FANCD2: variants seen among roughly 807,000 people sequenced by gnomAD.
The protein encoded by FANCD2 is FA complementation group D2.
FANCD2 carries 131 observed loss-of-function variants against 192.3 expected under a neutral mutation model. The observed-to-expected ratio is 0.68, with a 90% CI of 0.59 to 0.79. FANCD2 has a LOEUF of 0.79. Among genes scored for constraint, FANCD2 ranks in the 30% least tolerant of loss-of-function variants. FANCD2 has a pLI of 0.00. For synonymous variants in FANCD2, 524 were observed against 612.5 expected, an observed-to-expected ratio of 0.86 and a Z score of 2.13; for missense variants, 1,508 against 1,701.6, an observed-to-expected ratio of 0.89 and a Z score of 2.00.
chr3:10,070,493 G>A lies in FANCD2; in HGVS notation c.2495-2378G>A, dbSNP rs1223693545. ...CTCTGCCGGGCCAGCCTCCCGGTCC[G>A]GGAGGGAGGTGGGGGGGGTCAGCCC... is the stretch of plus-strand genomic sequence containing the variant. On this transcript the variant is annotated intron_variant, in intron 26 of 43. Transcript: ENST00000675286. Among the ~76,000 whole-genome samples, 823 of 103,066 alleles carry A rather than the reference G, an allele frequency of 8.0e-3. 28 individuals carry two copies. The highest frequency in any genetic ancestry group is 0.036 in the African/African-American group (764 of 21,508). The allele number at this position is 103,066 out of a possible 152,430, so 67.6% of individuals were successfully genotyped here.
chr3:10,075,680 A>T (rs569959842), intron 29 of FANCD2, among the ~76,000 whole-genome samples: 51 of 149,964 alleles, frequency 3.4e-4, no homozygotes, highest in African/African-American at 7.4e-4. Context: ...ATTAATTTTC[A>T]CCTGAAATTT....
Position 10,074,532 on chromosome 3 carries a change from G to A in FANCD2, c.2718G>A (p.Glu906=), listed in dbSNP as rs1473396707. 1 of 1,612,906 alleles carries A rather than the reference G, an allele frequency of 6.2e-7. No individual in the cohort carries two copies. The highest frequency in any genetic ancestry group is 1.3e-5 in the African/African-American group (1 of 75,000). ...TPSHRGQLNK[E]FTGKEEKTSL... ...TTGTTGCTGTGACTTCCCCATAGGAGTTCACAGGGAAGGAAGAAAAGACAT... is the reference window on the plus strand; with the variant it reads ...TTGTTGCTGTGACTTCCCCATAGGAATTCACAGGGAAGGAAGAAAAGACAT... Residue 906 remains glutamate, a splice_region_variant and synonymous_variant, in exon 29 of 44, where the codon GAG becomes GAA. Transcript: ENST00000675286.
intron 25 of FANCD2, among the ~76,000 whole-genome samples, chr3:10,066,658 T>A (rs866003330): frequency 6.6e-6 from 1 of 152,212 alleles, no homozygotes. Context: ...AATTGTGTGC[T>A]GTCTGGCTAT....
chr3:10,087,086 A>G (rs1393721686), intron 33 of FANCD2, 48 bp from the exon 34 acceptor site: 2 of 1,606,440 alleles, frequency 1.2e-6, no homozygotes, highest in Non-Finnish European at 1.7e-6. Context: ...TATATCTGTG[A>G]CACATAGGAT....
chr3:10,043,570 C>G lies in FANCD2; in HGVS notation c.1076C>G (p.Thr359Ser). Residue 359 changes from threonine (T) to serine (S), a missense_variant, in exon 13 of 44, where the codon ACC becomes AGC. Around this residue, in one of 5 missense-constraint regions of FANCD2, gnomAD observed 435 missense variants for 421.9 expected, o/e 1.03. Coordinates refer to ENST00000675286, the MANE Select transcript of FANCD2 (RefSeq NM_001018115.3). Reference sequence around the variant, plus strand: ...AAGTCAGCTATTAGATATGAGAAAACCATTTCAGAAGCCTGGATTAAGGTG... The same window carrying G: ...AAGTCAGCTATTAGATATGAGAAAAGCATTTCAGAAGCCTGGATTAAGGTG... Reference protein sequence around the residue: ...VIKSAIRYEKTISEAWIKAIE... With the variant: ...VIKSAIRYEKSISEAWIKAIE... The G allele has an allele frequency of 6.2e-7, 1 of 1,612,832 alleles. No homozygotes were observed. Among genetic ancestry groups the G allele is most frequent in the Non-Finnish European group, 8.5e-7 (1 of 1,178,886 alleles).
chr3:10,060,471 C>A, intron 19 of FANCD2, 68 bp downstream of exon 19: 1 of 1,145,080 alleles, frequency 8.7e-7, no homozygotes, highest in Non-Finnish European at 1.3e-6. Context: ...TGTTACATCT[C>A]ATAGACATCA....
At chr3:10,075,207 G>A (rs2125050814) in intron 29 of FANCD2, among the ~76,000 whole-genome samples, 1 of 151,286 alleles carries the variant, frequency 6.6e-6, no homozygotes, top group South Asian at 2.1e-4. Context: ...TTTTGAGATG[G>A]AGTCTCTCTC....
intron 34 of FANCD2, 113 bp downstream of exon 34, chr3:10,087,377 C>A (rs1694281973): frequency 8.1e-6 from 8 of 992,708 alleles, no homozygotes; most frequent in African/African-American, 1.7e-5. Context: ...CCCCACATAA[C>A]CTTGGATAGG....
At chr3:10,042,139 A>G (rs1290643382) in intron 10 of FANCD2, among the ~76,000 whole-genome samples, 1 of 149,814 alleles carries the variant, frequency 6.7e-6, no homozygotes, top group Non-Finnish European at 1.5e-5. Context: ...CTTGTTTTCC[A>G]CCCCCCTCGG....
chr3:10,049,801 A>G (rs1375624465), intron 17 of FANCD2, among the ~76,000 whole-genome samples: 1 of 152,250 alleles, frequency 6.6e-6, no homozygotes, highest in Non-Finnish European at 1.5e-5. Flanking sequence ...ATAACAGAGT[A>G]AGAATAATTA....
At chr3:10,071,870 C>T (rs911799757) in intron 26 of FANCD2, among the ~76,000 whole-genome samples, 3 of 152,144 alleles carry the variant, frequency 2.0e-5, no homozygotes, top group Admixed American at 2.0e-4. Flanking sequence ...AGCAATTCTC[C>T]TGCCTCAGCC....
At chr3:10,038,385 A>G (rs1334598848) in intron 7 of FANCD2, among the ~76,000 whole-genome samples, 1 of 152,150 alleles carries the variant, frequency 6.6e-6, no homozygotes, top group African/African-American at 2.4e-5. Context: ...TGGCTGCAAT[A>G]ACAAGGACCA....
intron 15 of FANCD2, 40 bp from the exon 16 acceptor site, chr3:10,047,877 C>T (rs1559378757): frequency 1.2e-6 from 2 of 1,611,210 alleles, no homozygotes; most frequent in Non-Finnish European, 1.7e-6. Flanking sequence ...CTAACTGTTT[C>T]CTACAGCTTC....
chr3:10,039,649 C>A, intron 8 of FANCD2, 72 bp from the exon 9 acceptor site: 1 of 1,553,748 alleles, frequency 6.4e-7, no homozygotes, highest in Non-Finnish European at 8.9e-7. Flanking sequence ...TTCAGCTCTG[C>A]ATTTCACACG....
intron 24 of FANCD2, 135 bp downstream of exon 24, chr3:10,065,629 C>G (rs961765031): frequency 1.5e-5 from 11 of 748,936 alleles, no homozygotes; most frequent in Non-Finnish European, 2.6e-5. Flanking sequence ...CATTGGAATT[C>G]CAAAGACAAA....
rs397948524 is a variant in FANCD2, at chr3:10,045,101, T to TTTTTTTTTTTTTC, written c.1134+1237_1134+1238insTTTTTTTTTTTTC. Among the ~76,000 whole-genome samples the TTTTTTTTTTTTTC allele has an allele frequency of 5.3e-4, 79 of 149,154 alleles. 1 individual carries two copies. The highest frequency in any genetic ancestry group is 2.0e-3 in the African/African-American group (76 of 38,842). ...GCCTTTTTAACTGTTTTTTTTTTTT[T>TTTTTTTTTTTTTC]CCTGGAAGCATAGACTCAGGTTGCC... On this transcript the variant is annotated intron_variant, in intron 14 of 43. Transcript: ENST00000675286.
In FANCD2 at chr3:10,053,534, AAAAAT is replaced by A. The variant is rs201131807; in HGVS notation, c.1656+1049_1656+1053del. On this transcript the variant is annotated intron_variant, in intron 18 of 43. Coordinates refer to ENST00000675286, the MANE Select transcript of FANCD2 (RefSeq NM_001018115.3). ...CTAAAACTTACAGTATAATAATAAT[AAAAAT>A]AAAATAAAATAGAATAAAATTAAAA... Among the ~76,000 whole-genome samples, 565 of 143,552 alleles carry A rather than the reference AAAAAT, an allele frequency of 3.9e-3. 8 individuals carry two copies. Among genetic ancestry groups the A allele is most frequent in the East Asian group, 0.033 (169 of 5,132 alleles). The allele number at this position is 143,552 out of a possible 152,430, so 94.2% of individuals were successfully genotyped here.
chr3:10,071,124 A>AT (rs1321713876), intron 26 of FANCD2, among the ~76,000 whole-genome samples: 15 of 126,064 alleles, frequency 1.2e-4, no homozygotes, highest in African/African-American at 4.2e-4. Flanking sequence ...AGAATGATCG[A>AT]TAAAAAAAAA....
chr3:10,057,939 T>G, intron 18 of FANCD2: 2 of 299,472 alleles, frequency 6.7e-6, no homozygotes, highest in Admixed American at 7.8e-5. Context: ...TCATGAGATA[T>G]TTGTTTTGTA....
Sources: gnomAD v4.1 joint callset for allele counts (sites outside exome capture counted in the v4.1 genomes callset) on GRCh38, gnomAD v4.1.1 for gene constraint, gnomAD v4.1.1 regional missense constraint, MANE v1.5 for transcripts, NCBI Gene and HGNC (gene_info 2026-07-23, HGNC 2026-07-21) for gene names.